The following RHBDD1 variants were observed in gnomAD, a reference collection of about 807,000 sequenced individuals.
The protein encoded by RHBDD1 is rhomboid-related protein 4.
In RHBDD1, 38 loss-of-function variants were observed where a neutral mutation model predicts 36.3. That is an observed-to-expected ratio of 1.05 (90% CI 0.81 to 1.37). RHBDD1 has a LOEUF of 1.37. Ranked by LOEUF, RHBDD1 falls within the 40% of genes most tolerant of loss-of-function variation. The pLI, the probability that RHBDD1 is intolerant of heterozygous loss-of-function variation, is 0.00. For missense variants in RHBDD1, 393 were observed against 377.6 expected (o/e 1.04, Z -0.34); for synonymous variants, 151 against 136.5 (o/e 1.11, Z -0.74).
At chr2:226,961,376 A>G (rs1363076623) in intron 8 of RHBDD1, among the ~76,000 whole-genome samples, 2 of 152,090 alleles carry the variant, frequency 1.3e-5, no homozygotes, top group Non-Finnish European at 1.5e-5. Context: ...CCTCTTCCAC[A>G]TGTTTTCTCT....
chr2:226,809,357 A>G, the RHBDD1 span, among the ~76,000 whole-genome samples: 1 of 152,254 alleles, frequency 6.6e-6, no homozygotes, highest in East Asian at 1.9e-4. Context: ...AGATATTAAC[A>G]TTGATTGCAG....
Position 226,903,647 on chromosome 2 carries a change from G to A in RHBDD1, c.567-3146G>A, listed in dbSNP as rs185642974. ...ATTTTATTATATGAAGTAGTGACAC[G>A]GACAGGAGGCAGAAACAGTGGGTAG... On this transcript the variant is annotated intron_variant, in intron 5 of 8. Transcript: ENST00000392062. Among the ~76,000 whole-genome samples the A allele has an allele frequency of 3.8e-3, 582 of 152,202 alleles. 2 individuals carry two copies. Among genetic ancestry groups the A allele is most frequent in the Non-Finnish European group, 6.5e-3 (442 of 68,018 alleles).
chr2:226,992,110 G>C (rs1441482042), intron 8 of RHBDD1, among the ~76,000 whole-genome samples: 1 of 152,192 alleles, frequency 6.6e-6, no homozygotes, highest in African/African-American at 2.4e-5. Flanking sequence ...TAAGGAGAGA[G>C]GTAGTAGATC....
intron 8 of RHBDD1, among the ~76,000 whole-genome samples, chr2:226,974,406 T>A (rs970012824): frequency 5.3e-4 from 80 of 151,854 alleles, no homozygotes; most frequent in Admixed American, 5.2e-3. Flanking sequence ...CCTGGCTAAT[T>A]TTTTGTATTT....
intron 7 of RHBDD1, among the ~76,000 whole-genome samples, chr2:226,909,395 T>C (rs1202261035): frequency 6.6e-6 from 1 of 152,188 alleles, no homozygotes; most frequent in African/African-American, 2.4e-5. Flanking sequence ...GCGTAAGACC[T>C]ATTTTAGGCT....
rs778645346 is a variant in RHBDD1, at chr2:226,864,906, TCC to T, written c.216_217del (p.Leu73SerfsTer4). On this transcript the variant is annotated frameshift_variant, in exon 4 of 9. Coordinates refer to ENST00000392062, the MANE Select transcript of RHBDD1 (RefSeq NM_001167608.3). LOFTEE classifies it high-confidence loss of function. Reference sequence around the variant, plus strand: ...AAGACTGGCAGCGTTTACTGCTCTCTCCCCTTCACCATGCTGATGATTGGCAT... The same window carrying T: ...AAGACTGGCAGCGTTTACTGCTCTCTCCTTCACCATGCTGATGATTGGCAT... ...QKDWQRLLLS[P>X]LHHADDWHLY... 1 of 1,614,204 alleles carries T rather than the reference TCC, an allele frequency of 6.2e-7. No individual in the cohort carries two copies. Among genetic ancestry groups the T allele is most frequent in the South Asian group, 1.1e-5 (1 of 91,088 alleles).
At chr2:226,939,377 C>T (rs7607638) in intron 8 of RHBDD1, among the ~76,000 whole-genome samples, 22 of 152,286 alleles carry the variant, frequency 1.4e-4, no homozygotes, top group African/African-American at 4.3e-4. Context: ...CAGAAAACTC[C>T]GTCGTCTCAG....
At position 226,851,677 on chromosome 2, in the gene RHBDD1, T is replaced by C. The variant is rs540833685; in HGVS notation, c.-91+12050T>C. On this transcript the variant is annotated intron_variant, in intron 3 of 8. Transcript: ENST00000392062. Reference sequence around the variant, plus strand: ...ACTTTGGCAAAAGTCTCTAGTCCCTTGGAATGAATTAATTGTGAATCTTAT... The same window carrying C: ...ACTTTGGCAAAAGTCTCTAGTCCCTCGGAATGAATTAATTGTGAATCTTAT... 7.9e-5 allele frequency among the ~76,000 whole-genome samples: 12 copies of C among 152,306 alleles called. No individual in the cohort carries two copies. In the South Asian group the frequency reaches 2.3e-3, roughly 29 times the overall value.
chr2:226,950,604 G>C (rs1951349879), intron 8 of RHBDD1, among the ~76,000 whole-genome samples: 1 of 152,146 alleles, frequency 6.6e-6, no homozygotes, highest in African/African-American at 2.4e-5. Context: ...CCCACCAGCA[G>C]TGTGCAAGAG....
chr2:226,856,069 A>G (rs891655292), intron 3 of RHBDD1, among the ~76,000 whole-genome samples: 2 of 152,168 alleles, frequency 1.3e-5, no homozygotes, highest in Non-Finnish European at 2.9e-5. Flanking sequence ...AAGATTCCAC[A>G]CTATACCCCC....
rs1948299739 is a variant in RHBDD1, at chr2:226,909,014, C to T, written c.712+136C>T. 5 of 612,580 alleles carry T rather than the reference C, an allele frequency of 8.2e-6. No homozygotes were observed. In the South Asian group the frequency reaches 1.2e-4, roughly 15 times the overall value. 37.9% of individuals were successfully genotyped at this position (612,580 alleles called of 1,614,324 possible). On this transcript the variant is annotated intron_variant, in intron 7 of 8. Transcript: ENST00000392062. ...ACATGTTGTGTAACTGTGCCTCTAA[C>T]ACACCTGGAAGCTAGATGGAGGGTA... is the stretch of plus-strand genomic sequence containing the variant.
the RHBDD1 span, among the ~76,000 whole-genome samples, chr2:226,819,977 GTTTTT>G: frequency 0.021 from 2,495 of 118,302 alleles, 61 homozygotes; most frequent in African/African-American, 0.068. Context: ...TATTGTGTGT[GTTTTT>G]TTTTTTTTTT....
intron 8 of RHBDD1, among the ~76,000 whole-genome samples, chr2:226,984,924 T>TGGGGG (rs1956595919): frequency 1.5e-5 from 1 of 67,402 alleles, no homozygotes; most frequent in African/African-American, 5.9e-5. Context: ...CTCCTGGGGG[T>TGGGGG]TGGGGTGGGG....
chr2:226,895,695 G>A, intron 5 of RHBDD1: 1 of 985,190 alleles, frequency 1.0e-6, no homozygotes, highest in Non-Finnish European at 1.2e-6. Context: ...AGATCCTAAA[G>A]AAGCTTAGTA....
chr2:226,887,673 GCT>G (rs1946345599), intron 5 of RHBDD1, among the ~76,000 whole-genome samples: 1 of 152,204 alleles, frequency 6.6e-6, no homozygotes, highest in Non-Finnish European at 1.5e-5. Flanking sequence ...TGTTGAAAAT[GCT>G]CTTGTCAAAC....
chr2:226,901,478 T>G (rs1214733663), intron 5 of RHBDD1, among the ~76,000 whole-genome samples: 1 of 152,264 alleles, frequency 6.6e-6, no homozygotes, highest in Non-Finnish European at 1.5e-5. Flanking sequence ...CTATAATAGC[T>G]GAACCAATTT....
chr2:226,983,378 G>T (rs77576554), intron 8 of RHBDD1, among the ~76,000 whole-genome samples: 2,079 of 152,194 alleles, frequency 0.014, 40 homozygotes, highest in African/African-American at 0.048. Context: ...GTAGCTGTGG[G>T]ACCTGGGGCC....
At chr2:226,935,353 C>G (rs1187028083) in intron 8 of RHBDD1, 1 of 152,052 alleles carries the variant, frequency 6.6e-6, no homozygotes, top group African/African-American at 2.4e-5. Flanking sequence ...TTGAGATACG[C>G]TTTAAGTTAA....
At chr2:226,843,386 A>G (rs929381067) in intron 3 of RHBDD1, among the ~76,000 whole-genome samples, 9 of 152,122 alleles carry the variant, frequency 5.9e-5, no homozygotes, top group African/African-American at 2.2e-4. Context: ...TGCCCATTCA[A>G]TATGATATTG....
Sources: gnomAD v4.1 joint callset for allele counts (sites outside exome capture counted in the v4.1 genomes callset) on GRCh38, gnomAD v4.1.1 for gene constraint, MANE v1.5 for transcripts, NCBI Gene and HGNC (gene_info 2026-07-23, HGNC 2026-07-21) for gene names.